ARRDC5: variants seen among roughly 807,000 people sequenced by gnomAD.
The protein encoded by ARRDC5 is arrestin domain containing 5.
In ARRDC5, 12 loss-of-function variants were observed where a neutral mutation model predicts 13.3. That is an observed-to-expected ratio of 0.90 (90% CI 0.58 to 1.46). The LOEUF is 1.46. ARRDC5 is among the 40% of genes most tolerant of loss of function. The probability of loss-of-function intolerance (pLI) is 0.00; values close to 1 mark genes in which losing one functional copy is unlikely to be tolerated. For synonymous variants in ARRDC5, 181 were observed against 173.4 expected (o/e 1.04, Z -0.34); for missense variants, 406 against 418.7 (o/e 0.97, Z 0.26).
chr19:4,910,330 G>T, the ARRDC5 span: 1 of 148,910 alleles, frequency 6.7e-6, no homozygotes, highest in African/African-American at 2.4e-5. Flanking sequence ...GCCCGGTCGC[G>T]CACGCGCGCG....
the ARRDC5 span, among the ~76,000 whole-genome samples, chr19:4,911,291 T>A: frequency 6.6e-6 from 1 of 152,162 alleles, no homozygotes; most frequent in Non-Finnish European, 1.5e-5. Flanking sequence ...CTTTTAAACT[T>A]CTTTTTTCAA....
chr19:4,910,824 G>T, the ARRDC5 span: 1 of 1,552,422 alleles, frequency 6.4e-7, no homozygotes. Flanking sequence ...GCATGGCATG[G>T]CTCAGAGGTG....
upstream of ARRDC5, among the ~76,000 whole-genome samples, chr19:4,904,594 G>C (rs1294948643): frequency 1.3e-5 from 2 of 152,196 alleles, no homozygotes; most frequent in Admixed American, 6.5e-5. Flanking sequence ...TGGGATTACA[G>C]GCATGAGCTA....
chr19:4,891,153 G>A lies in ARRDC5; in HGVS notation c.880C>T (p.Leu294Phe). 1.2e-6 allele frequency: 2 copies of A among 1,613,992 alleles called. No individual in the cohort carries two copies. The highest frequency in any genetic ancestry group is 1.1e-5 in the South Asian group (1 of 91,078). Residue 294 changes from leucine (L) to phenylalanine (F), a missense_variant, in exon 3 of 3, where the codon CTC becomes TTC. Leu to Phe is a conservative substitution (Grantham distance 22). Coordinates refer to ENST00000650722, the MANE Select transcript of ARRDC5 (RefSeq NM_001080523.3). ...ATGATGATGGGAACTTTGGCCTTGA[G>A]GCTGGTCAGGGACCAGGGCAGGTGC... The part of the protein sequence containing the change: ...TVHLPWSLTS[L>F]KAKVPIIITS...
intron 2 of ARRDC5, among the ~76,000 whole-genome samples, chr19:4,896,361 TACACACA>T (rs1220312999): frequency 4.7e-5 from 4 of 84,984 alleles, no homozygotes; most frequent in African/African-American, 2.2e-4. Flanking sequence ...TTTTTTTTTT[TACACACA>T]CACACACACA....
intron 2 of ARRDC5, among the ~76,000 whole-genome samples, chr19:4,896,353 TTTTTTTTTACACACACACAC>T (rs2031723135): frequency 7.1e-5 from 6 of 85,100 alleles, no homozygotes; most frequent in Admixed American, 6.6e-4. Flanking sequence ...TATATATTTT[TTTTTTTTTACACACACACAC>T]ACACACACAC....
At chr19:4,909,437 C>T in the ARRDC5 span, 2 of 652,842 alleles carry the variant, frequency 3.1e-6, no homozygotes, top group East Asian at 6.5e-5. Flanking sequence ...CAGGCGCCCG[C>T]CCCCGGCACG....
At chr19:4,907,304 C>G (rs2032084245), upstream of ARRDC5, among the ~76,000 whole-genome samples, 1 of 152,232 alleles carries the variant, frequency 6.6e-6, no homozygotes, top group South Asian at 2.1e-4. Flanking sequence ...CAGTCTCGCT[C>G]TGTTGTCCAG....
the ARRDC5 span, among the ~76,000 whole-genome samples, chr19:4,908,413 G>A: frequency 2.6e-5 from 4 of 152,078 alleles, no homozygotes; most frequent in Non-Finnish European, 5.9e-5. Flanking sequence ...AAAGACCAAA[G>A]TCCTCCCCGG....
the ARRDC5 span, chr19:4,911,005 A>C: frequency 6.2e-7 from 1 of 1,610,392 alleles, no homozygotes; most frequent in Non-Finnish European, 8.5e-7. Flanking sequence ...ACGTGGAGCC[A>C]GGCCTGCAGA....
At chr19:4,914,041 C>T in the ARRDC5 span, among the ~76,000 whole-genome samples, 1 of 151,986 alleles carries the variant, frequency 6.6e-6, no homozygotes, top group Non-Finnish European at 1.5e-5. Context: ...TCTCGAACTC[C>T]CGACCTCAGG....
upstream of ARRDC5, among the ~76,000 whole-genome samples, chr19:4,905,123 T>C (rs1337932844): frequency 1.4e-5 from 2 of 143,134 alleles, no homozygotes; most frequent in Non-Finnish European, 3.0e-5. Flanking sequence ...TTTTTTTTTT[T>C]TTTTTTTTTT....
At chr19:4,910,619 G>T in the ARRDC5 span, 97 of 377,338 alleles carry the variant, frequency 2.6e-4, no homozygotes, top group African/African-American at 2.0e-3. Context: ...TGGACCTTCT[G>T]CTTTTCTTTC....
chr19:4,907,469 A>G (rs1234220110), upstream of ARRDC5, among the ~76,000 whole-genome samples: 3 of 151,836 alleles, frequency 2.0e-5, no homozygotes, highest in East Asian at 3.9e-4. Context: ...GGGTTTCACC[A>G]TGTTGACCAG....
chr19:4,901,093 T>C (rs1391893435), intron 1 of ARRDC5, among the ~76,000 whole-genome samples: 1 of 151,710 alleles, frequency 6.6e-6, no homozygotes, highest in African/African-American at 2.4e-5. Context: ...GAGCCGAGAT[T>C]GCGCCATTGC....
At chr19:4,896,936 C>CT (rs35308440) in intron 1 of ARRDC5, 60 bp from the exon 2 acceptor site, 251,956 of 917,328 alleles carry the variant, frequency 0.27, 9,935 homozygotes, top group Middle Eastern at 0.31. Flanking sequence ...CCTTCTTCTT[C>CT]TTTTTTTTTT....
At chr19:4,900,328 G>A (rs1413294682) in intron 1 of ARRDC5, among the ~76,000 whole-genome samples, 1 of 151,860 alleles carries the variant, frequency 6.6e-6, no homozygotes, top group Admixed American at 6.6e-5. Context: ...ATGTTGGCCA[G>A]GCTGGTCTTG....
chr19:4,910,769 T>A, the ARRDC5 span: 1 of 1,369,236 alleles, frequency 7.3e-7, no homozygotes, highest in Non-Finnish European at 9.8e-7. Context: ...CCTGGGAGTT[T>A]CCTGGTGTCC....
intron 1 of ARRDC5, among the ~76,000 whole-genome samples, chr19:4,899,523 G>A (rs2031843297): frequency 6.6e-6 from 1 of 151,530 alleles, no homozygotes; most frequent in Non-Finnish European, 1.5e-5. Flanking sequence ...TCCCAGCTAT[G>A]CAGGAGGCTG....
Sources: gnomAD v4.1 joint callset for allele counts (sites outside exome capture counted in the v4.1 genomes callset) on GRCh38, gnomAD v4.1.1 for gene constraint, MANE v1.5 for transcripts, NCBI Gene and HGNC (gene_info 2026-07-23, HGNC 2026-07-21) for gene names.